The following ARHGAP18 variants were observed in gnomAD, a reference collection of about 807,000 sequenced individuals.
ARHGAP18 encodes Rho GTPase activating protein 18, also known as rho GTPase-activating protein 18.
Under a neutral mutation model 86.2 loss-of-function variants are expected in ARHGAP18, and 67 were observed. The observed-to-expected ratio is 0.78, with a 90% CI of 0.64 to 0.95. The LOEUF (loss-of-function observed/expected upper bound fraction) is 0.95. Among genes scored for constraint, ARHGAP18 ranks in the 40% least tolerant of loss-of-function variants. The probability of loss-of-function intolerance (pLI) is 0.00; values close to 1 mark genes in which losing one functional copy is unlikely to be tolerated. For missense variants in ARHGAP18, 691 were observed against 780.4 expected (o/e 0.89, Z 1.37); for synonymous variants, 283 against 280.4 (o/e 1.01, Z -0.09).
intron 5 of ARHGAP18, among the ~76,000 whole-genome samples, chr6:129,624,982 ATATAT>A (rs1467749559): frequency 9.1e-6 from 1 of 109,344 alleles, no homozygotes; most frequent in Admixed American, 1.2e-4. Flanking sequence ...TTTATATATA[ATATAT>A]ATTATATATG....
At chr6:129,617,879 G>A (rs1789128587) in intron 6 of ARHGAP18, among the ~76,000 whole-genome samples, 1 of 152,112 alleles carries the variant, frequency 6.6e-6, no homozygotes, top group South Asian at 2.1e-4. Context: ...CTTTGTGAAT[G>A]TTACCACAGC....
chr6:129,694,480 G>A (rs1346283677), intron 1 of ARHGAP18, among the ~76,000 whole-genome samples: 1 of 152,086 alleles, frequency 6.6e-6, no homozygotes, highest in Non-Finnish European at 1.5e-5. Context: ...TCAATTTTCT[G>A]CAAGAAAACA....
chr6:129,701,556 G>A (rs979344299), intron 1 of ARHGAP18, among the ~76,000 whole-genome samples: 5 of 152,188 alleles, frequency 3.3e-5, no homozygotes, highest in Non-Finnish European at 5.9e-5. Flanking sequence ...CAGATCGTGA[G>A]GTCAGGAGTT....
chr6:129,710,107 C>T lies in ARHGAP18; in HGVS notation c.30G>A (p.Val10=). 2 of 1,613,952 alleles carry T rather than the reference C, an allele frequency of 1.2e-6. No individual in the cohort carries two copies. The highest frequency in any genetic ancestry group is 1.7e-6 in the Non-Finnish European group (2 of 1,179,904). MSWLSSSQG[V]VLTAYHPSGK... is the part of the protein sequence containing the mutation. ...CGCTGGGGTGGTAGGCTGTTAGTAC[C>T]ACTCCCTGGGAACTGGAGAGCCAGC... The change falls in exon 1 of 15, where the codon GTG becomes GTA. Residue 10 remains valine (V), a synonymous_variant. Coordinates refer to ENST00000368149, the MANE Select transcript of ARHGAP18 (RefSeq NM_033515.3).
At position 129,584,667 on chromosome 6, in the gene ARHGAP18, A is replaced by G. The variant is rs546134316; in HGVS notation, c.1714-555T>C. Among the ~76,000 whole-genome samples the G allele has an allele frequency of 5.9e-5, 9 of 152,314 alleles. No homozygotes were observed. The South Asian group carries it at 1.7e-3, about 28-fold the overall frequency. Reference sequence around the variant, plus strand: ...TGACCCCTTTCTAAATCTTTTGCCCATGGATGTGAAAAACATTTTATGGAT... The same window carrying G: ...TGACCCCTTTCTAAATCTTTTGCCCGTGGATGTGAAAAACATTTTATGGAT... On this transcript the variant is annotated intron_variant, in intron 12 of 14. Transcript: ENST00000368149.
intron 6 of ARHGAP18, among the ~76,000 whole-genome samples, chr6:129,617,236 G>A (rs144010343): frequency 1.1e-4 from 16 of 152,130 alleles, no homozygotes; most frequent in East Asian, 5.8e-4. Context: ...ACATGGCTTC[G>A]ACCAACACCT....
At chr6:129,705,366 C>T (rs1774787361) in intron 1 of ARHGAP18, among the ~76,000 whole-genome samples, 1 of 152,080 alleles carries the variant, frequency 6.6e-6, no homozygotes, top group Non-Finnish European at 1.5e-5. Context: ...GGAGTGAGTC[C>T]AGCTGCCAAA....
At chr6:129,698,908 G>T (rs1035761230) in intron 1 of ARHGAP18, among the ~76,000 whole-genome samples, 2 of 152,088 alleles carry the variant, frequency 1.3e-5, no homozygotes, top group Non-Finnish European at 2.9e-5. Flanking sequence ...GGCCAGGCTG[G>T]TCTTGAATCA....
intron 4 of ARHGAP18, among the ~76,000 whole-genome samples, chr6:129,631,762 TAA>T (rs386408589): frequency 2.0e-4 from 22 of 107,604 alleles, no homozygotes; most frequent in African/African-American, 6.2e-4. Flanking sequence ...GCTTCTATTT[TAA>T]AAAAAAAAAA....
intron 6 of ARHGAP18, among the ~76,000 whole-genome samples, chr6:129,616,638 T>C (rs904615090): frequency 6.6e-6 from 1 of 152,172 alleles, no homozygotes; most frequent in Admixed American, 6.5e-5. Context: ...GTAATCAAAT[T>C]AAAAATTCTT....
In ARHGAP18 at chr6:129,625,761, TATATTATATATATTTATATATATA is replaced by T. The variant is rs1165859523; in HGVS notation, c.786+3568_786+3591del. Among the ~76,000 whole-genome samples, 7 of 57,680 alleles carry T rather than the reference TATATTATATATATTTATATATATA, an allele frequency of 1.2e-4. 1 individual carries two copies. Among genetic ancestry groups the T allele is most frequent in the Non-Finnish European group, 1.9e-4 (6 of 31,614 alleles). 37.8% of individuals were successfully genotyped at this position (57,680 alleles called of 152,430 possible). ...TATATATTTATATATTATATATTTA[TATATTATATATATTTATATATATA>T]ATATATATTTTTATATTATATATTA... On this transcript the variant is annotated intron_variant, in intron 5 of 14. Coordinates refer to ENST00000368149, the MANE Select transcript of ARHGAP18 (RefSeq NM_033515.3).
At chr6:129,687,608 G>A (rs1009265906) in intron 1 of ARHGAP18, among the ~76,000 whole-genome samples, 1 of 152,134 alleles carries the variant, frequency 6.6e-6, no homozygotes, top group Non-Finnish European at 1.5e-5. Context: ...ACAGGAAGTG[G>A]CAACAATTCA....
At chr6:129,589,110 A>C (rs1788460436) in intron 12 of ARHGAP18, among the ~76,000 whole-genome samples, 1 of 152,144 alleles carries the variant, frequency 6.6e-6, no homozygotes, top group African/African-American at 2.4e-5. Context: ...CATGCCTTGT[A>C]GACATTTTTC....
At chr6:129,619,873 G>A (rs999541377) in intron 5 of ARHGAP18, among the ~76,000 whole-genome samples, 3 of 151,846 alleles carry the variant, frequency 2.0e-5, no homozygotes, top group African/African-American at 2.4e-5. Context: ...GAGCTTACCA[G>A]TCACCTATCT....
chr6:129,690,560 T>C lies in ARHGAP18; in HGVS notation c.113+19464A>G, dbSNP rs1322261483. ...TAGATAAGGTTCATTTTCAAACAAA[T>C]AATATTTCATTTACTTTTTCCCAAT... On this transcript the variant is annotated intron_variant, in intron 1 of 14. Transcript: ENST00000368149. Among the ~76,000 whole-genome samples the C allele has an allele frequency of 3.9e-5, 6 of 152,308 alleles. No individual in the cohort carries two copies. In the East Asian group the frequency reaches 9.6e-4, roughly 24 times the overall value.
At chr6:129,647,238 T>G (rs138369264) in intron 1 of ARHGAP18, among the ~76,000 whole-genome samples, 43 of 152,312 alleles carry the variant, frequency 2.8e-4, no homozygotes, top group African/African-American at 9.9e-4. Flanking sequence ...TTGGCCAGTA[T>G]ATTTGAAAAT....
chr6:129,617,152 T>C (rs1789115016), intron 6 of ARHGAP18, among the ~76,000 whole-genome samples: 1 of 152,158 alleles, frequency 6.6e-6, no homozygotes, highest in African/African-American at 2.4e-5. Flanking sequence ...TACTTAGAAA[T>C]AGCTCCAGAA....
At chr6:129,593,470 A>G (rs1484907757) in intron 12 of ARHGAP18, among the ~76,000 whole-genome samples, 4 of 152,154 alleles carry the variant, frequency 2.6e-5, no homozygotes, top group African/African-American at 9.7e-5. Flanking sequence ...CCAAAAATAA[A>G]CAAACCTTTA....
chr6:129,613,232 CAAAA>C (rs71028167), intron 7 of ARHGAP18, among the ~76,000 whole-genome samples: 4 of 94,178 alleles, frequency 4.2e-5, no homozygotes, highest in African/African-American at 4.4e-5. Flanking sequence ...GACTCTGTCT[CAAAA>C]AAAAAAAAAA....
Sources: gnomAD v4.1 joint callset for allele counts (sites outside exome capture counted in the v4.1 genomes callset) on GRCh38, gnomAD v4.1.1 for gene constraint, MANE v1.5 for transcripts, NCBI Gene and HGNC (gene_info 2026-07-23, HGNC 2026-07-21) for gene names.